Variants in SPX observed in about 807,000 individuals in gnomAD.
The protein encoded by SPX is spexin.
In SPX, 22 loss-of-function variants were observed where a neutral mutation model predicts 19.2. The observed-to-expected ratio is 1.15, with a 90% CI of 0.82 to 1.64. The LOEUF is 1.64. SPX is among the 40% of genes most tolerant of loss of function. The pLI, the probability that SPX is intolerant of heterozygous loss-of-function variation, is 0.00. For synonymous variants in SPX, 50 were observed against 53.3 expected, an observed-to-expected ratio of 0.94 and a Z score of 0.27; for missense variants, 143 against 137.7, an observed-to-expected ratio of 1.04 and a Z score of -0.19.
At chr12:21,526,833 A>G (rs963041670) in intron 1 of SPX, 53 bp from the exon 2 acceptor site, 11 of 1,520,678 alleles carry the variant, frequency 7.2e-6, no homozygotes, top group Middle Eastern at 1.7e-4. Flanking sequence ...GGAAGGAAGC[A>G]GAAGATCCTA....
intron 5 of SPX, among the ~76,000 whole-genome samples, chr12:21,529,506 G>C (rs371473134): frequency 6.6e-6 from 1 of 152,072 alleles, no homozygotes; most frequent in East Asian, 1.9e-4. Flanking sequence ...TTCAGTAGCT[G>C]ATGCTACTGA....
intron 3 of SPX, 194 bp from the exon 4 acceptor site, chr12:21,527,533 A>G: frequency 3.1e-6 from 2 of 636,710 alleles, no homozygotes; most frequent in Non-Finnish European, 5.5e-6. Flanking sequence ...TTTCCTCCAG[A>G]GCTCCAGGGC....
intron 4 of SPX, among the ~76,000 whole-genome samples, chr12:21,528,485 C>T (rs955237199): frequency 1.3e-5 from 2 of 152,114 alleles, no homozygotes; most frequent in Non-Finnish European, 2.9e-5. Context: ...TGGAAAAATA[C>T]CAAACACTGT....
At position 21,527,199 on chromosome 12, in the gene SPX, T is replaced by G. The variant is rs1943822865; in HGVS notation, c.145+7T>G. On this transcript the variant is annotated splice_region_variant and intron_variant, in intron 3 of 5. Coordinates refer to ENST00000256969, the MANE Select transcript of SPX (RefSeq NM_030572.4). ...CTCTACCTGAAAGGGGCACGTAAGT[T>G]CCAAATATTTCGCTCTTCCTACAAT... The G allele has an allele frequency of 6.2e-7, 1 of 1,612,430 alleles. No homozygotes were observed. The highest frequency in any genetic ancestry group is 1.3e-5 in the African/African-American group (1 of 74,868).
rs1943841136 is a variant in SPX, at chr12:21,529,094, T to C, written c.292+10T>C. 2 of 1,610,084 alleles carry C rather than the reference T, an allele frequency of 1.2e-6. No individual in the cohort carries two copies. The highest frequency in any genetic ancestry group is 1.7e-6 in the Non-Finnish European group (2 of 1,176,332). Reference sequence around the variant, plus strand: ...CAGAAATCACCAGAAGGTACTAGCATAGTGGCCTCTTTCACCTGCATAACA... The same window carrying C: ...CAGAAATCACCAGAAGGTACTAGCACAGTGGCCTCTTTCACCTGCATAACA... On this transcript the variant is annotated intron_variant, in intron 5 of 5. Coordinates refer to ENST00000256969, the MANE Select transcript of SPX (RefSeq NM_030572.4).
rs1943867002 is a variant in SPX, at chr12:21,531,642, C to T, written c.*447C>T. Reference sequence around the variant, plus strand: ...TGTGGAAGGAAGGTGAGAAACATGGCAGGATGGGAAATAGGAGAGTATGAC... The same window carrying T: ...TGTGGAAGGAAGGTGAGAAACATGGTAGGATGGGAAATAGGAGAGTATGAC... On this transcript the variant is annotated 3_prime_UTR_variant, in exon 6 of 6. Coordinates refer to ENST00000256969, the MANE Select transcript of SPX (RefSeq NM_030572.4). The T allele has an allele frequency of 6.5e-6, 1 of 153,664 alleles. No homozygotes were observed. Among genetic ancestry groups the T allele is most frequent in the African/African-American group, 2.4e-5 (1 of 41,360 alleles). 9.5% of individuals were successfully genotyped at this position (153,664 alleles called of 1,614,324 possible). A position where few individuals can be genotyped will look rare whatever the true frequency, so the allele number is the denominator to read the frequency against.
chr12:21,528,103 G>A, intron 4 of SPX: 1 of 347,778 alleles, frequency 2.9e-6, no homozygotes, highest in Non-Finnish European at 5.4e-6. Context: ...GGCTGCCAGG[G>A]TGTGCAGAGG....
In SPX at chr12:21,526,348, A is replaced by C; in HGVS notation, c.-125A>C. ...TGACAAGATGTCCCTGTGGACTCCC[A>C]AACTCTACTCCAGATGGGGAGGTGC... On this transcript the variant is annotated 5_prime_UTR_variant, in exon 1 of 6. Transcript: ENST00000256969. 1.2e-6 allele frequency: 1 copy of C among 834,676 alleles called. No homozygotes were observed. The highest frequency in any genetic ancestry group is 1.9e-6 in the Non-Finnish European group (1 of 537,918). 51.7% of individuals were successfully genotyped at this position (834,676 alleles called of 1,614,324 possible).
chr12:21,528,982 T>C lies in SPX; in HGVS notation c.209-19T>C, dbSNP rs2136821806. ...TATATAAATGCTAAGAGAATCTGTA[T>C]ACATTTTTGTTTCTGCAGAAAGACG... On this transcript the variant is annotated intron_variant, in intron 4 of 5. Coordinates refer to ENST00000256969, the MANE Select transcript of SPX (RefSeq NM_030572.4). The C allele has an allele frequency of 6.3e-7, 1 of 1,594,212 alleles. No homozygotes were observed. Among genetic ancestry groups the C allele is most frequent in the Non-Finnish European group, 8.6e-7 (1 of 1,161,922 alleles).
At chr12:21,528,618 A>G (rs1943836741) in intron 4 of SPX, among the ~76,000 whole-genome samples, 1 of 152,228 alleles carries the variant, frequency 6.6e-6, no homozygotes, top group Non-Finnish European at 1.5e-5. Context: ...ATTAGAAATC[A>G]TGTTTTGTGC....
In SPX at chr12:21,529,065, C is replaced by G; in HGVS notation, c.273C>G (p.Ser91=). 1 of 1,614,058 alleles carries G rather than the reference C, an allele frequency of 6.2e-7. No homozygotes were observed. Among genetic ancestry groups the G allele is most frequent in the Non-Finnish European group, 8.5e-7 (1 of 1,179,966 alleles). ...IPEAATILLA[S]LQKSPEDEEK... is the part of the protein sequence containing the mutation. Reference sequence around the variant, plus strand: ...AGGCAGCAACCATCTTACTGGCGTCCCTTCAGAAATCACCAGAAGGTACTA... The same window carrying G: ...AGGCAGCAACCATCTTACTGGCGTCGCTTCAGAAATCACCAGAAGGTACTA... Residue 91 remains serine (S), a synonymous_variant, in exon 5 of 6, where the codon TCC becomes TCG. Transcript: ENST00000256969.
intron 4 of SPX, 100 bp from the exon 5 acceptor site, chr12:21,528,901 T>G (rs1213978455): frequency 9.3e-7 from 1 of 1,075,424 alleles, no homozygotes; most frequent in Non-Finnish European, 1.4e-6. Context: ...CAAAATCTAT[T>G]TCATAGAGGT....
intron 5 of SPX, among the ~76,000 whole-genome samples, chr12:21,529,381 T>C (rs1426987614): frequency 1.3e-5 from 2 of 151,578 alleles, no homozygotes; most frequent in African/African-American, 4.9e-5. Flanking sequence ...GGGAAGACAA[T>C]AAAACACCCA....
intron 5 of SPX, among the ~76,000 whole-genome samples, chr12:21,530,636 A>C (rs1351377128): frequency 6.6e-6 from 1 of 152,094 alleles, no homozygotes; most frequent in East Asian, 1.9e-4. Flanking sequence ...AAGTTTCGCG[A>C]TCCCAGCCAG....
chr12:21,526,990 T>A (rs760980549), intron 2 of SPX, 24 bp downstream of exon 2: 3 of 1,609,554 alleles, frequency 1.9e-6, no homozygotes, highest in Admixed American at 1.7e-5. Context: ...AAATAAAAAA[T>A]TTTAAAACAA....
At position 21,532,185 on chromosome 12, in the gene SPX, G is replaced by A. The variant is rs1260318766; in HGVS notation, c.*990G>A. On this transcript the variant is annotated 3_prime_UTR_variant, in exon 6 of 6. Coordinates refer to ENST00000256969, the MANE Select transcript of SPX (RefSeq NM_030572.4). ...ACACGCATACACACATACTCCTGTG[G>A]CAAACATAATAATGTATTTATTTAG... The A allele has an allele frequency of 1.3e-5, 2 of 152,142 alleles. 1 individual carries two copies. The highest frequency in any genetic ancestry group is 2.9e-5 in the Non-Finnish European group (2 of 67,984). 9.4% of individuals were successfully genotyped at this position (152,142 alleles called of 1,614,324 possible). A position where few individuals can be genotyped will look rare whatever the true frequency, so the allele number is the denominator to read the frequency against.
rs1943867583 is a variant in SPX, at chr12:21,531,690, A to G, written c.*495A>G. On this transcript the variant is annotated 3_prime_UTR_variant, in exon 6 of 6. Coordinates refer to ENST00000256969, the MANE Select transcript of SPX (RefSeq NM_030572.4). ...GACTCTCTATAGCTCATCCAGGAGTAATCAATTAAGAAGATAAATTGGATG... is the reference window on the plus strand; with the variant it reads ...GACTCTCTATAGCTCATCCAGGAGTGATCAATTAAGAAGATAAATTGGATG... 1 of 152,400 alleles carries G rather than the reference A, an allele frequency of 6.6e-6. No homozygotes were observed. Among genetic ancestry groups the G allele is most frequent in the Non-Finnish European group, 1.5e-5 (1 of 68,214 alleles). The allele number at this position is 152,400 out of a possible 1,614,324, so 9.4% of individuals were successfully genotyped here. A position where few individuals can be genotyped will look rare whatever the true frequency, so the allele number is the denominator to read the frequency against.
intron 5 of SPX, 76 bp from the exon 6 acceptor site, chr12:21,531,061 A>T: frequency 1.1e-6 from 1 of 898,570 alleles, no homozygotes; most frequent in Non-Finnish European, 1.7e-6. Flanking sequence ...ATTTCCTGAG[A>T]TTCTCTTTGT....
In SPX at chr12:21,531,177, C is replaced by A; in HGVS notation, c.333C>A (p.Asp111Glu). 1 of 1,595,044 alleles carries A rather than the reference C, an allele frequency of 6.3e-7. No homozygotes were observed. ...KNFDQTRFLE[D>E]SLLNW The stretch of plus-strand genomic sequence containing the variant: ...TTGATCAAACCAGATTCCTGGAAGA[C>A]AGTCTGCTTAACTGGTGAAAATATA... The change falls in exon 6 of 6, where the codon GAC becomes GAA. Residue 111 changes from aspartate (D) to glutamate (E), a missense_variant. Asp to Glu is a conservative substitution (Grantham distance 45). Transcript: ENST00000256969.
Sources: gnomAD v4.1 joint callset for allele counts (sites outside exome capture counted in the v4.1 genomes callset) on GRCh38, gnomAD v4.1.1 for gene constraint, MANE v1.5 for transcripts, NCBI Gene and HGNC (gene_info 2026-07-23, HGNC 2026-07-21) for gene names.